Variants in ATP8A1 observed in about 807,000 individuals in gnomAD.
ATP8A1 encodes ATPase phospholipid transporting 8A1.
A neutral mutation model predicts 177.7 loss-of-function variants in ATP8A1; 90 were observed. The observed-to-expected ratio is 0.51, with a 90% CI of 0.43 to 0.60. The LOEUF (loss-of-function observed/expected upper bound fraction) is 0.60, where lower values mean the gene tolerates loss of function less well. ATP8A1 is among the 20% of genes least tolerant of loss of function. The probability of loss-of-function intolerance (pLI) is 0.00; values close to 1 mark genes in which losing one functional copy is unlikely to be tolerated. For synonymous variants in ATP8A1, 493 were observed against 485.9 expected (o/e 1.01, Z -0.19); for missense variants, 1,072 against 1,392.8 (o/e 0.77, Z 3.67).
chr4:42,534,674 C>T (rs1409106908), intron 20 of ATP8A1, among the ~76,000 whole-genome samples: 1 of 152,120 alleles, frequency 6.6e-6, no homozygotes. Flanking sequence ...CTGAGAAATA[C>T]ATCACAAAAA....
At chr4:42,541,954 T>C (rs538462913) in intron 20 of ATP8A1, among the ~76,000 whole-genome samples, 37 of 152,304 alleles carry the variant, frequency 2.4e-4, no homozygotes, top group Admixed American at 2.2e-3. Flanking sequence ...GGTAGATACA[T>C]GTCACTACAC....
chr4:42,482,969 G>T (rs573931084), intron 25 of ATP8A1, among the ~76,000 whole-genome samples: 25 of 152,254 alleles, frequency 1.6e-4, no homozygotes, highest in African/African-American at 6.0e-4. Context: ...ATAATAATCA[G>T]TATTTATCTG....
At chr4:42,588,942 C>A (rs1733892765) in intron 7 of ATP8A1, among the ~76,000 whole-genome samples, 1 of 152,208 alleles carries the variant, frequency 6.6e-6, no homozygotes, top group African/African-American at 2.4e-5. Context: ...TCCTGCTCTC[C>A]TATTAAAGTT....
rs1284253662 is a variant in ATP8A1 at position 42,412,900 on chromosome 4, T to C, written c.*16A>G. 1.2e-6 allele frequency: 2 copies of C among 1,607,272 alleles called. No individual in the cohort carries two copies. Among genetic ancestry groups the C allele is most frequent in the East Asian group, 4.5e-5 (2 of 44,868 alleles). The stretch of plus-strand genomic sequence containing the variant: ...CCTTAGAGAGGTAACAGAGCCTGCC[T>C]TTCAGGCTCTCCCCATCACCATTCG... On this transcript the variant is annotated 3_prime_UTR_variant, in exon 37 of 37. Coordinates refer to ENST00000381668, the MANE Select transcript of ATP8A1 (RefSeq NM_006095.2).
At chr4:42,575,140 A>C (rs989275839) in intron 13 of ATP8A1, among the ~76,000 whole-genome samples, 1 of 152,250 alleles carries the variant, frequency 6.6e-6, no homozygotes, top group South Asian at 2.1e-4. Flanking sequence ...GCTATTTGTA[A>C]AGCATAAGTT....
Position 42,651,641 on chromosome 4 carries a change from T to G in ATP8A1, c.49+5184A>C, listed in dbSNP as rs555905903. ...GAAACCAATGCAAAATAAGCATTAG[T>G]TTTTGTGTGGTGCTTTCTGAAAAAC... is the stretch of plus-strand genomic sequence containing the variant. On this transcript the variant is annotated intron_variant, in intron 1 of 36. Coordinates refer to ENST00000381668, the MANE Select transcript of ATP8A1 (RefSeq NM_006095.2). 1.1e-3 allele frequency among the ~76,000 whole-genome samples: 173 copies of G among 152,268 alleles called. 1 individual carries two copies. In the Middle Eastern group the frequency reaches 0.014, roughly 12 times the overall value.
At chr4:42,580,527 G>GT (rs1732926494) in intron 10 of ATP8A1, among the ~76,000 whole-genome samples, 1 of 152,218 alleles carries the variant, frequency 6.6e-6, no homozygotes, top group Non-Finnish European at 1.5e-5. Context: ...TGCCTCAGTT[G>GT]TATTTGATGA....
At chr4:42,519,581 A>G (rs1725899600) in intron 22 of ATP8A1, among the ~76,000 whole-genome samples, 1 of 152,190 alleles carries the variant, frequency 6.6e-6, no homozygotes, top group Non-Finnish European at 1.5e-5. Flanking sequence ...TGGTACCCAG[A>G]GGGCCACAGT....
intron 19 of ATP8A1, among the ~76,000 whole-genome samples, chr4:42,547,462 A>C (rs913640439): frequency 6.6e-6 from 1 of 152,224 alleles, no homozygotes; most frequent in Non-Finnish European, 1.5e-5. Context: ...GTCCTGAAAG[A>C]ACAGAAACTC....
chr4:42,646,178 G>C (rs533188661), intron 1 of ATP8A1, among the ~76,000 whole-genome samples: 1 of 152,196 alleles, frequency 6.6e-6, no homozygotes, highest in Non-Finnish European at 1.5e-5. Flanking sequence ...TAGGCCTGGC[G>C]TGGCATCAAA....
intron 1 of ATP8A1, among the ~76,000 whole-genome samples, chr4:42,654,509 CTG>C (rs1413457090): frequency 6.6e-6 from 1 of 152,190 alleles, no homozygotes; most frequent in Admixed American, 6.5e-5. Context: ...CTCTCAGGAT[CTG>C]TGTCTGCCCA....
Position 42,608,120 on chromosome 4 carries a change from T to C in ATP8A1, c.410-7602A>G, listed in dbSNP as rs75595861. On this transcript the variant is annotated intron_variant, in intron 5 of 36. Coordinates refer to ENST00000381668, the MANE Select transcript of ATP8A1 (RefSeq NM_006095.2). ...AGGTAACAGCTTTGTTGTAATAGGTTTCTTTTTTGAATGAAAACATTCTGT... is the reference window on the plus strand; with the variant it reads ...AGGTAACAGCTTTGTTGTAATAGGTCTCTTTTTTGAATGAAAACATTCTGT... 7.8e-3 allele frequency among the ~76,000 whole-genome samples: 1,195 copies of C among 152,332 alleles called. 13 individuals are homozygous for C. The highest frequency in any genetic ancestry group is 0.027 in the African/African-American group (1,128 of 41,578).
intron 20 of ATP8A1, among the ~76,000 whole-genome samples, chr4:42,527,101 T>C (rs1380768224): frequency 6.6e-6 from 1 of 152,138 alleles, no homozygotes; most frequent in African/African-American, 2.4e-5. Flanking sequence ...TGAAAGAAAA[T>C]GATGAACTCA....
At chr4:42,427,165 G>T (rs1449216853) in intron 33 of ATP8A1, among the ~76,000 whole-genome samples, 1 of 152,028 alleles carries the variant, frequency 6.6e-6, no homozygotes, top group Non-Finnish European at 1.5e-5. Flanking sequence ...AACTATGAAA[G>T]GATGCTTTAA....
Position 42,444,581 on chromosome 4 carries a change from T to C in ATP8A1, c.3012A>G (p.Thr1004=). The C allele has an allele frequency of 6.2e-7, 1 of 1,613,486 alleles. No individual in the cohort carries two copies. The change falls in exon 32 of 37, where the codon ACA becomes ACG. Residue 1004 remains threonine, a synonymous_variant. Coordinates refer to ENST00000381668, the MANE Select transcript of ATP8A1 (RefSeq NM_006095.2). ...TTGTGGTTAGATATTTTCTTACCCA[T>C]GTCCAATATGATGTCTCCAATCCAG... The part of the protein sequence containing the change: ...LKAGLETSYW[T]WFSHIAIWGS...
intron 5 of ATP8A1, among the ~76,000 whole-genome samples, chr4:42,608,647 C>T (rs1307383879): frequency 3.3e-5 from 5 of 152,224 alleles, no homozygotes; most frequent in South Asian, 2.1e-4. Flanking sequence ...CGTCAGCCAC[C>T]GCACCCAGCC....
intron 33 of ATP8A1, among the ~76,000 whole-genome samples, chr4:42,424,375 TAAAAGG>T (rs1469347941): frequency 6.6e-6 from 1 of 152,056 alleles, no homozygotes; most frequent in Non-Finnish European, 1.5e-5. Flanking sequence ...ACACAGAACT[TAAAAGG>T]AATAGTATTA....
intron 6 of ATP8A1, among the ~76,000 whole-genome samples, chr4:42,592,865 C>T (rs115562137): frequency 0.018 from 2,793 of 152,100 alleles, 76 homozygotes; most frequent in African/African-American, 0.063. Context: ...TCTTATGGGA[C>T]CACCGTTGTA....
At chr4:42,448,450 T>G (rs1158342062) in intron 30 of ATP8A1, among the ~76,000 whole-genome samples, 1 of 140,564 alleles carries the variant, frequency 7.1e-6, no homozygotes, top group Non-Finnish European at 1.5e-5. Flanking sequence ...CAGGCTGGAG[T>G]GCAGTGATGT....
Sources: gnomAD v4.1 joint callset for allele counts (sites outside exome capture counted in the v4.1 genomes callset) on GRCh38, gnomAD v4.1.1 for gene constraint, MANE v1.5 for transcripts, NCBI Gene and HGNC (gene_info 2026-07-23, HGNC 2026-07-21) for gene names.